The following EPHB1 variants were observed in gnomAD, a reference collection of about 807,000 sequenced individuals.
EPHB1 encodes ephrin type-B receptor 1.
EPHB1 carries 30 observed loss-of-function variants against 94.4 expected under a neutral mutation model. That is an observed-to-expected ratio of 0.32 (90% CI 0.24 to 0.43). EPHB1 has a LOEUF of 0.43. Among genes scored for constraint, EPHB1 ranks in the 20% least tolerant of loss-of-function variants. The probability of loss-of-function intolerance (pLI) is 1.00; values close to 1 mark genes in which losing one functional copy is unlikely to be tolerated. For synonymous variants in EPHB1, 522 were observed against 489.1 expected (o/e 1.07, Z -0.89); for missense variants, 1,055 against 1,308.3 (o/e 0.81, Z 2.99).
chr3:135,002,289 G>T (rs1453269100), intron 3 of EPHB1, among the ~76,000 whole-genome samples: 1 of 152,180 alleles, frequency 6.6e-6, no homozygotes, highest in Non-Finnish European at 1.5e-5. Context: ...TTGCATCCCA[G>T]GGATGAAGCC....
chr3:134,987,244 A>C (rs180948784), intron 3 of EPHB1, among the ~76,000 whole-genome samples: 190 of 152,332 alleles, frequency 1.2e-3, no homozygotes, highest in African/African-American at 4.3e-3. Flanking sequence ...TAATTTATCT[A>C]ATCATCACAG....
intron 3 of EPHB1, among the ~76,000 whole-genome samples, chr3:134,965,636 T>A (rs1578237118): frequency 6.6e-6 from 1 of 152,188 alleles, no homozygotes; most frequent in South Asian, 2.1e-4. Flanking sequence ...TGGAGATTGA[T>A]TTTTTCAGTC....
chr3:134,855,253 G>T (rs1204876303), intron 1 of EPHB1, among the ~76,000 whole-genome samples: 1 of 152,180 alleles, frequency 6.6e-6, no homozygotes, highest in East Asian at 1.9e-4. Flanking sequence ...CTTCCAGGCA[G>T]GCTTTGAAAC....
chr3:134,941,184 T>A (rs770856201), intron 2 of EPHB1, among the ~76,000 whole-genome samples: 1 of 152,172 alleles, frequency 6.6e-6, no homozygotes, highest in Non-Finnish European at 1.5e-5. Context: ...GGGCCAACTA[T>A]CAAACATCTT....
intron 12 of EPHB1, among the ~76,000 whole-genome samples, chr3:135,237,543 G>C (rs966650881): frequency 6.6e-6 from 1 of 151,692 alleles, no homozygotes; most frequent in Non-Finnish European, 1.5e-5. Flanking sequence ...TGACCCCTGC[G>C]GCAGCTCTAG....
chr3:134,968,959 G>C (rs553902392), intron 3 of EPHB1, among the ~76,000 whole-genome samples: 1 of 152,320 alleles, frequency 6.6e-6, no homozygotes, highest in East Asian at 1.9e-4. Flanking sequence ...CCATTCGCTT[G>C]TTGAGGAGAG....
chr3:135,018,427 C>G (rs1271359097), intron 3 of EPHB1, among the ~76,000 whole-genome samples: 1 of 152,124 alleles, frequency 6.6e-6, no homozygotes, highest in African/African-American at 2.4e-5. Flanking sequence ...TGGCCTTTCT[C>G]CAAAATGCTG....
chr3:135,077,433 T>C (rs1937976542), intron 3 of EPHB1, among the ~76,000 whole-genome samples: 1 of 152,244 alleles, frequency 6.6e-6, no homozygotes, highest in South Asian at 2.1e-4. Flanking sequence ...CTCCCTGCTC[T>C]GATGTCAGCC....
intron 15 of EPHB1, among the ~76,000 whole-genome samples, chr3:135,253,294 A>G (rs1229893261): frequency 2.6e-5 from 4 of 151,410 alleles, no homozygotes; most frequent in Admixed American, 6.6e-5. Context: ...GCCCATGCCT[A>G]TGTCCTCAAT....
At chr3:135,051,014 G>C (rs1170271555) in intron 3 of EPHB1, among the ~76,000 whole-genome samples, 1 of 152,154 alleles carries the variant, frequency 6.6e-6, no homozygotes, top group Non-Finnish European at 1.5e-5. Context: ...TGCAGAGAGA[G>C]AGGGGCACCC....
chr3:135,058,101 G>A (rs991057330), intron 3 of EPHB1, among the ~76,000 whole-genome samples: 4 of 152,148 alleles, frequency 2.6e-5, no homozygotes, highest in Admixed American at 6.5e-5. Context: ...GGTGGACTGC[G>A]GACAGATACA....
intron 3 of EPHB1, among the ~76,000 whole-genome samples, chr3:135,056,709 A>G (rs1410411451): frequency 6.6e-6 from 1 of 152,220 alleles, no homozygotes; most frequent in African/African-American, 2.4e-5. Context: ...CATGCTTCCA[A>G]ATGTATTTTC....
At chr3:134,855,892 G>C (rs765001217) in intron 1 of EPHB1, among the ~76,000 whole-genome samples, 1 of 152,144 alleles carries the variant, frequency 6.6e-6, no homozygotes, top group Non-Finnish European at 1.5e-5. Context: ...CAGCCCTATG[G>C]GATGGCAATA....
At chr3:135,173,835 G>C (rs919690124) in intron 9 of EPHB1, among the ~76,000 whole-genome samples, 1 of 152,144 alleles carries the variant, frequency 6.6e-6, no homozygotes, top group East Asian at 1.9e-4. Context: ...AACCACATGT[G>C]CCAGCCCCTC....
chr3:134,982,229 T>C (rs1288769045), intron 3 of EPHB1, among the ~76,000 whole-genome samples: 1 of 152,094 alleles, frequency 6.6e-6, no homozygotes, highest in Non-Finnish European at 1.5e-5. Context: ...TCCTCTGCAG[T>C]TGTACTGTGA....
At chr3:135,092,053 A>G (rs1053053895) in intron 3 of EPHB1, among the ~76,000 whole-genome samples, 6 of 152,196 alleles carry the variant, frequency 3.9e-5, no homozygotes, top group South Asian at 2.1e-4. Context: ...GGTTTTTCTC[A>G]AAAGAAAAAC....
intron 4 of EPHB1, among the ~76,000 whole-genome samples, chr3:135,116,811 G>A (rs1251394180): frequency 6.6e-6 from 1 of 152,186 alleles, no homozygotes; most frequent in Non-Finnish European, 1.5e-5. Flanking sequence ...ATGTCTTGGA[G>A]ACTACCTATA....
intron 3 of EPHB1, among the ~76,000 whole-genome samples, chr3:134,967,883 T>C (rs1933823047): frequency 6.6e-6 from 1 of 152,190 alleles, no homozygotes; most frequent in African/African-American, 2.4e-5. Context: ...CATTCTAAGA[T>C]GAGGTCTCAA....
intron 3 of EPHB1, among the ~76,000 whole-genome samples, chr3:135,027,845 A>G (rs1475843625): frequency 7.5e-6 from 1 of 133,168 alleles, no homozygotes; most frequent in Non-Finnish European, 1.7e-5. Context: ...CTGTGAATCC[A>G]TCTGGTCCTG....
Sources: allele counts gnomAD v4.1 joint callset (sites outside exome capture counted in the v4.1 genomes callset), GRCh38; gene constraint gnomAD v4.1.1; transcripts MANE v1.5; gene names NCBI Gene and HGNC (gene_info 2026-07-23, HGNC 2026-07-21).